TNR: variants seen among roughly 807,000 people sequenced by gnomAD.
TNR encodes tenascin R.
TNR carries 45 observed loss-of-function variants against 150.4 expected under a neutral mutation model. That is an observed-to-expected ratio of 0.30 (90% CI 0.24 to 0.38). The LOEUF (loss-of-function observed/expected upper bound fraction) is 0.38, where lower values mean the gene tolerates loss of function less well. TNR is among the 10% of genes least tolerant of loss of function. TNR has a pLI of 1.00. For synonymous variants in TNR, 687 were observed against 678.4 expected (o/e 1.01, Z -0.20); for missense variants, 1,544 against 1,759.1 (o/e 0.88, Z 2.19).
rs1557868327 is a variant in TNR at position 175,331,114 on chromosome 1, T to TCTCTCTC, written c.3632-880_3632-879insGAGAGAG. The stretch of plus-strand genomic sequence containing the variant: ...CTTTCTTTCTTTCTCTCTCTCTTTC[T>TCTCTCTC]TTTCTTTCTTTCTTTCTTTTCTTTC... On this transcript the variant is annotated intron_variant, in intron 20 of 22. Transcript: ENST00000367674. Among the ~76,000 whole-genome samples the TCTCTCTC allele has an allele frequency of 1.2e-3, 82 of 69,462 alleles. 7 individuals are homozygous for TCTCTCTC. Among genetic ancestry groups the TCTCTCTC allele is most frequent in the African/African-American group, 3.8e-3 (73 of 19,340 alleles). The allele number at this position is 69,462 out of a possible 152,430, so 45.6% of individuals were successfully genotyped here.
intron 1 of TNR, among the ~76,000 whole-genome samples, chr1:175,617,476 C>T (rs1050973639): frequency 6.6e-6 from 1 of 152,192 alleles, no homozygotes; most frequent in Non-Finnish European, 1.5e-5. Flanking sequence ...GGTGACAATG[C>T]GATCCCTCTG....
chr1:175,500,605 T>C (rs1658696111), intron 2 of TNR, among the ~76,000 whole-genome samples: 1 of 152,206 alleles, frequency 6.6e-6, no homozygotes. Flanking sequence ...AGCTAGAGTT[T>C]TGTTTTAAAA....
intron 2 of TNR, among the ~76,000 whole-genome samples, chr1:175,448,368 C>T (rs859459): frequency 0.08 from 12,193 of 152,164 alleles, 620 homozygotes; most frequent in Non-Finnish European, 0.11. Flanking sequence ...TGTGCCACCA[C>T]GCCTGGCTAA....
chr1:175,334,037 C>T (rs1261539767), intron 20 of TNR, among the ~76,000 whole-genome samples: 1 of 152,098 alleles, frequency 6.6e-6, no homozygotes, highest in Admixed American at 6.5e-5. Context: ...TGAGAGAGGG[C>T]CTGTACTTTG....
At position 175,537,627 on chromosome 1, in the gene TNR, G is replaced by A. The variant is rs1198044914; in HGVS notation, c.-164-9258C>T. Among the ~76,000 whole-genome samples the A allele has an allele frequency of 3.3e-5, 5 of 152,152 alleles. 1 individual carries two copies. The highest frequency in any genetic ancestry group is 2.0e-4 in the Admixed American group (3 of 15,276). The stretch of plus-strand genomic sequence containing the variant: ...TCTCCCCCGGATCTGCATTTAAGAG[G>A]GGATGAGTTGCTAGAATGATAAAAG... On this transcript the variant is annotated intron_variant, in intron 1 of 22. Transcript: ENST00000367674.
intron 1 of TNR, among the ~76,000 whole-genome samples, chr1:175,537,156 G>A (rs1376933265): frequency 1.3e-5 from 2 of 152,210 alleles, no homozygotes; most frequent in African/African-American, 4.8e-5. Context: ...GCACCCCTTG[G>A]AGAGCACTTA....
At chr1:175,634,582 G>A (rs1300700682) in intron 1 of TNR, among the ~76,000 whole-genome samples, 1 of 152,132 alleles carries the variant, frequency 6.6e-6, no homozygotes, top group African/African-American at 2.4e-5. Context: ...GCGTTGTTTG[G>A]GACTTAGTAT....
At chr1:175,741,746 G>C (rs926156818) in intron 1 of TNR, among the ~76,000 whole-genome samples, 6 of 152,264 alleles carry the variant, frequency 3.9e-5, no homozygotes, top group South Asian at 2.1e-4. Context: ...CACCCAGAAG[G>C]CTCCCCAGCC....
intron 1 of TNR, among the ~76,000 whole-genome samples, chr1:175,537,354 G>A (rs1267601350): frequency 6.6e-6 from 1 of 152,182 alleles, no homozygotes; most frequent in Non-Finnish European, 1.5e-5. Flanking sequence ...GTGGACCTAG[G>A]GGAATATTTC....
At chr1:175,529,114 A>G (rs1289429949) in intron 1 of TNR, among the ~76,000 whole-genome samples, 2 of 152,218 alleles carry the variant, frequency 1.3e-5, no homozygotes, top group East Asian at 3.9e-4. Flanking sequence ...GGCCTCCGCT[A>G]CACAATTTCC....
Position 175,391,316 on chromosome 1 carries a change from G to T in TNR, c.1479C>A (p.Ser493Arg), listed in dbSNP as rs1653156254. Residue 493 changes from serine (S) to arginine (R), a missense_variant, in exon 7 of 23, where the codon AGC becomes AGA. By Grantham distance (110) the Ser-to-Arg change is moderately radical. Around this residue, in one of 2 missense-constraint regions of TNR, gnomAD observed 1,254 missense variants for 1,329.4 expected, o/e 0.94. Coordinates refer to ENST00000367674, the MANE Select transcript of TNR (RefSeq NM_003285.3). The stretch of plus-strand genomic sequence containing the variant: ...TGGAGACGCTGGCCGAGGTAGGGGG[G>T]CTGCGGGCCTGTTCTTTCAGAGCCA... Reference protein sequence around the residue: ...NVVALKEQARSPPTSASVSTV... With the variant: ...NVVALKEQARRPPTSASVSTV... 1 of 1,613,948 alleles carries T rather than the reference G, an allele frequency of 6.2e-7. No homozygotes were observed. Among genetic ancestry groups the T allele is most frequent in the Non-Finnish European group, 8.5e-7 (1 of 1,180,032 alleles).
At chr1:175,601,255 T>C (rs898615692) in intron 1 of TNR, among the ~76,000 whole-genome samples, 3 of 152,226 alleles carry the variant, frequency 2.0e-5, no homozygotes, top group Non-Finnish European at 4.4e-5. Context: ...TAAGGTCACT[T>C]GGCCAGTTCT....
chr1:175,548,354 C>T (rs542985347), intron 1 of TNR, among the ~76,000 whole-genome samples: 43 of 152,102 alleles, frequency 2.8e-4, no homozygotes, highest in African/African-American at 9.9e-4. Context: ...GTAAGACATG[C>T]CCTGCTGCTA....
chr1:175,379,434 T>G, intron 9 of TNR, 118 bp downstream of exon 9: 1 of 852,568 alleles, frequency 1.2e-6, no homozygotes, highest in Non-Finnish European at 1.8e-6. Context: ...GCTAGGCACT[T>G]AAGAGATGAG....
At chr1:175,617,548 T>C (rs74127362) in intron 1 of TNR, among the ~76,000 whole-genome samples, 3,988 of 152,292 alleles carry the variant, frequency 0.026, 178 homozygotes, top group African/African-American at 0.09. Flanking sequence ...AAGCCTTCTA[T>C]TCATAGTGTG....
chr1:175,580,805 A>G (rs1571634320), intron 1 of TNR, among the ~76,000 whole-genome samples: 1 of 152,214 alleles, frequency 6.6e-6, no homozygotes, highest in East Asian at 1.9e-4. Context: ...GCATCCCACC[A>G]TTTTATGGCA....
At chr1:175,382,912 A>AG (rs1274761381) in intron 8 of TNR, among the ~76,000 whole-genome samples, 1 of 152,014 alleles carries the variant, frequency 6.6e-6, no homozygotes. Flanking sequence ...AAAAAAAAAA[A>AG]AAAGAAAAAT....
At chr1:175,397,948 G>A (rs1457497795) in intron 4 of TNR, among the ~76,000 whole-genome samples, 5 of 152,182 alleles carry the variant, frequency 3.3e-5, no homozygotes, top group Admixed American at 1.3e-4. Context: ...AGATCAAGCC[G>A]ATATTTAAAT....
intron 1 of TNR, among the ~76,000 whole-genome samples, chr1:175,596,081 C>T (rs10913027): frequency 0.14 from 21,704 of 152,124 alleles, 2,162 homozygotes; most frequent in African/African-American, 0.27. Flanking sequence ...GGAAAATTCA[C>T]ACTCGTTTAG....
Sources: allele counts gnomAD v4.1 joint callset (sites outside exome capture counted in the v4.1 genomes callset), GRCh38; gene constraint gnomAD v4.1.1; regional missense constraint gnomAD v4.1.1; transcripts MANE v1.5; gene names NCBI Gene and HGNC (gene_info 2026-07-23, HGNC 2026-07-21).